Variants in MACROH2A1 observed in about 807,000 individuals in gnomAD.
MACROH2A1 encodes the protein core histone macro-H2A.1.
MACROH2A1 carries 2 observed loss-of-function variants against 31.6 expected under a neutral mutation model. The observed-to-expected ratio is 0.06, with a 90% CI of 0.03 to 0.20. The LOEUF (loss-of-function observed/expected upper bound fraction) is 0.20. Among genes scored for constraint, MACROH2A1 ranks in the 10% least tolerant of loss-of-function variants. The pLI, the probability that MACROH2A1 is intolerant of heterozygous loss-of-function variation, is 1.00. For synonymous variants in MACROH2A1, 169 were observed against 189.6 expected (o/e 0.89, Z 0.89); for missense variants, 230 against 474.0 (o/e 0.49, Z 4.78).
At chr5:135,372,232 G>C (rs1457910351) in intron 2 of MACROH2A1, among the ~76,000 whole-genome samples, 3 of 152,236 alleles carry the variant, frequency 2.0e-5, no homozygotes, top group Admixed American at 6.5e-5. Context: ...ACACATGCCA[G>C]TGATACAGAG....
In MACROH2A1 at chr5:135,369,994, C is replaced by T; in HGVS notation, c.279+42G>A. 1 of 1,291,218 alleles carries T rather than the reference C, an allele frequency of 7.7e-7. No individual in the cohort carries two copies. Among genetic ancestry groups the T allele is most frequent in the Non-Finnish European group, 1.1e-6 (1 of 891,054 alleles). The allele number at this position is 1,291,218 out of a possible 1,614,324, so 80.0% of individuals were successfully genotyped here. A position where few individuals can be genotyped will look rare whatever the true frequency, so the allele number is the denominator to read the frequency against. ...CAGCTATGTTTCTTGGGCAGTATGACCACCTGCTCAAACATCAGTGGGAGA... is the reference window on the plus strand; with the variant it reads ...CAGCTATGTTTCTTGGGCAGTATGATCACCTGCTCAAACATCAGTGGGAGA... On this transcript the variant is annotated intron_variant, in intron 3 of 8. Coordinates refer to ENST00000511689, the MANE Select transcript of MACROH2A1 (RefSeq NM_138610.3). The surrounding 1 kb of genome is among the most constrained non-coding windows in gnomAD (Gnocchi z 4.3).
At chr5:135,360,052 C>A (rs1434773785) in intron 5 of MACROH2A1, 4 of 286,848 alleles carry the variant, frequency 1.4e-5, no homozygotes, top group South Asian at 6.9e-5. Context: ...TGAAAACAAT[C>A]CCCTGTAGAG....
Position 135,350,994 on chromosome 5 carries a change from AG to A in MACROH2A1, c.688+1951del, listed in dbSNP as rs778351833. The A allele has an allele frequency of 1.9e-4, 175 of 922,034 alleles. 1 individual carries two copies. Among genetic ancestry groups the A allele is most frequent in the Non-Finnish European group, 2.9e-5 (17 of 578,562 alleles). The allele number at this position is 922,034 out of a possible 1,614,324, so 57.1% of individuals were successfully genotyped here. Reference sequence around the variant, plus strand: ...GCACATTTACTAATGCCCCAATGGCAGGGCTGGCCTACCTGGTCGATTCCAA... The same window carrying A: ...GCACATTTACTAATGCCCCAATGGCAGGCTGGCCTACCTGGTCGATTCCAA... On this transcript the variant is annotated intron_variant, in intron 6 of 8. Transcript: ENST00000511689.
intron 1 of MACROH2A1, among the ~76,000 whole-genome samples, chr5:135,391,362 C>T (rs1357750820): frequency 6.6e-6 from 1 of 152,166 alleles, no homozygotes; most frequent in Non-Finnish European, 1.5e-5. Context: ...GCACAGACTT[C>T]AGCTTTGTTT....
At chr5:135,359,954 T>C (rs1762621626) in intron 5 of MACROH2A1, 4 of 957,964 alleles carry the variant, frequency 4.2e-6, no homozygotes, top group South Asian at 4.8e-5. Flanking sequence ...TGAAAATATA[T>C]TGCCCATGGT....
chr5:135,347,423 G>A (rs1008760907), intron 6 of MACROH2A1: 1 of 152,254 alleles, frequency 6.6e-6, no homozygotes, highest in African/African-American at 2.4e-5. Context: ...AGCTGTGTCC[G>A]AGAGAGGGTG....
chr5:135,363,318 G>A (rs1763083895), intron 4 of MACROH2A1, among the ~76,000 whole-genome samples: 1 of 152,182 alleles, frequency 6.6e-6, no homozygotes, highest in East Asian at 1.9e-4. Context: ...TATATAGCCT[G>A]CCCACTTGGC....
intron 2 of MACROH2A1, among the ~76,000 whole-genome samples, chr5:135,371,462 T>C (rs973230025): frequency 2.6e-5 from 4 of 152,250 alleles, no homozygotes; most frequent in African/African-American, 9.6e-5. Context: ...AGAAGGGCTA[T>C]GAGCATAACC....
At chr5:135,373,149 T>C (rs535971579) in intron 2 of MACROH2A1, among the ~76,000 whole-genome samples, 1 of 152,300 alleles carries the variant, frequency 6.6e-6, no homozygotes, top group East Asian at 1.9e-4. Context: ...TTCCTCTTCC[T>C]GCCCAAAACG....
chr5:135,374,581 A>T (rs1764607983), intron 2 of MACROH2A1, among the ~76,000 whole-genome samples: 1 of 152,210 alleles, frequency 6.6e-6, no homozygotes. Flanking sequence ...CCTCTGCCTC[A>T]AAGTGAATGG....
intron 2 of MACROH2A1, among the ~76,000 whole-genome samples, chr5:135,383,700 GGT>G (rs61338247): frequency 0.094 from 12,920 of 136,988 alleles, 553 homozygotes; most frequent in Middle Eastern, 0.13. Context: ...GATGTGGTGT[GGT>G]GTGTGTGTGT....
At chr5:135,373,955 T>A (rs914147145) in intron 2 of MACROH2A1, among the ~76,000 whole-genome samples, 1 of 152,130 alleles carries the variant, frequency 6.6e-6, no homozygotes, top group African/African-American at 2.4e-5. Context: ...AGTAACCCCA[T>A]CGTTAAGGGA....
intron 5 of MACROH2A1, chr5:135,355,097 T>C (rs950936982): frequency 4.6e-5 from 21 of 455,964 alleles, no homozygotes; most frequent in Admixed American, 7.0e-5. Flanking sequence ...AAGAAGCTAT[T>C]TTGGCGGGCT....
Position 135,358,866 on chromosome 5 carries a change from A to T in MACROH2A1, c.588+1631T>A, listed in dbSNP as rs955294065. 3.0e-6 allele frequency: 3 copies of T among 984,822 alleles called. No homozygotes were observed. The African/African-American group carries it at 5.2e-5, about 17-fold the overall frequency. 61.0% of individuals were successfully genotyped at this position (984,822 alleles called of 1,614,324 possible). On this transcript the variant is annotated intron_variant, in intron 5 of 8. Transcript: ENST00000511689. Reference sequence around the variant, plus strand: ...CTGGCCCTGAGACCAGATGTATCTGAAAAGGAAGAGTTGAGTTGCTGAGAG... The same window carrying T: ...CTGGCCCTGAGACCAGATGTATCTGTAAAGGAAGAGTTGAGTTGCTGAGAG...
rs746379090 is a variant in MACROH2A1, at chr5:135,369,448, T to C, written c.435A>G (p.Val145=). ...CTTTCTTGCCTCCTGCTTTTTTAGA[T>C]ACAGGCTTCTTCTGGGATGGAGACT... is the stretch of plus-strand genomic sequence containing the variant. ...KAKSPSQKKP[V]SKKAGGKKGA... The change falls in exon 4 of 9, where the codon GTA becomes GTG. Residue 145 remains valine, a synonymous_variant. Transcript: ENST00000511689. The surrounding 1 kb of genome is among the most constrained non-coding windows in gnomAD (Gnocchi z 4.3). 4 of 1,614,236 alleles carry C rather than the reference T, an allele frequency of 2.5e-6. No homozygotes were observed. The South Asian group carries it at 3.3e-5, about 13-fold the overall frequency.
intron 8 of MACROH2A1, among the ~76,000 whole-genome samples, chr5:135,336,893 C>T (rs1362286441): frequency 6.6e-5 from 10 of 152,206 alleles, no homozygotes; most frequent in Non-Finnish European, 2.9e-5. Flanking sequence ...TGGGGGGCAT[C>T]TTTCCAGCAG....
chr5:135,343,024 C>T (rs1312287153), intron 8 of MACROH2A1: 1 of 902,928 alleles, frequency 1.1e-6, no homozygotes, highest in Non-Finnish European at 1.6e-6. Context: ...GGTTCCCCTT[C>T]TGTGATGACA....
chr5:135,344,831 G>A (rs1760560973), intron 7 of MACROH2A1: 1 of 152,240 alleles, frequency 6.6e-6, no homozygotes, highest in Non-Finnish European at 1.5e-5. Flanking sequence ...TGCATCTGCT[G>A]TGGCTGAGGT....
chr5:135,336,740 T>G (rs1758775459), intron 8 of MACROH2A1, among the ~76,000 whole-genome samples: 1 of 152,200 alleles, frequency 6.6e-6, no homozygotes, highest in Non-Finnish European at 1.5e-5. Flanking sequence ...ACCAGTGCTG[T>G]TTGCAGATCT....
Sources: allele counts gnomAD v4.1 joint callset (sites outside exome capture counted in the v4.1 genomes callset), GRCh38; gene constraint gnomAD v4.1.1; non-coding constraint Gnocchi (gnomAD v3.1); transcripts MANE v1.5; gene names NCBI Gene and HGNC (gene_info 2026-07-23, HGNC 2026-07-21).